PTPRN2: variants seen among roughly 807,000 people sequenced by gnomAD.
The protein encoded by PTPRN2 is protein tyrosine phosphatase receptor type N2.
A neutral mutation model predicts 118.8 loss-of-function variants in PTPRN2; 74 were observed. That is an observed-to-expected ratio of 0.62 (90% CI 0.52 to 0.76). The LOEUF is 0.76. Ranked by LOEUF, PTPRN2 falls within the 30% of genes least tolerant of loss-of-function variation. The pLI is 0.00. For missense variants in PTPRN2, 1,481 were observed against 1,394.4 expected, an observed-to-expected ratio of 1.06 and a Z score of -0.99; for synonymous variants, 641 against 608.0, an observed-to-expected ratio of 1.05 and a Z score of -0.80.
intron 22 of PTPRN2, among the ~76,000 whole-genome samples, chr7:157,547,008 C>A (rs1798354167): frequency 6.6e-6 from 1 of 152,196 alleles, no homozygotes; most frequent in Admixed American, 6.5e-5. Flanking sequence ...GTGTTCTGGG[C>A]AAACTCACCT....
chr7:158,142,563 C>T (rs929853656), intron 6 of PTPRN2, among the ~76,000 whole-genome samples: 4 of 152,164 alleles, frequency 2.6e-5, no homozygotes, highest in Non-Finnish European at 4.4e-5. Flanking sequence ...AGGCCGCGTA[C>T]TCTTCTGTTT....
In PTPRN2 at chr7:157,587,074, A is replaced by G. The variant is rs950929680; in HGVS notation, c.2496+8164T>C. Among the ~76,000 whole-genome samples the G allele has an allele frequency of 2.0e-5, 3 of 152,164 alleles. No homozygotes were observed. Among genetic ancestry groups the G allele is most frequent in the African/African-American group, 7.2e-5 (3 of 41,432 alleles). On this transcript the variant is annotated intron_variant, in intron 17 of 22. Transcript: ENST00000389418. The surrounding 1 kb of genome is among the most constrained non-coding windows in gnomAD (Gnocchi z 5.3). ...GCATGGTGTGGAATCCAGGCCTGCC[A>G]TCTTCCCACCCACCCCTGCCTGGAC...
At chr7:158,113,979 G>A (rs1816514607) in intron 9 of PTPRN2, among the ~76,000 whole-genome samples, 2 of 152,226 alleles carry the variant, frequency 1.3e-5, no homozygotes, top group Admixed American at 6.5e-5. Flanking sequence ...GTACCCCTCA[G>A]AGCCACCTGG....
rs921437247 is a variant in PTPRN2 at position 157,779,656 on chromosome 7, ACT to A, written c.1789-96721_1789-96720del. Among the ~76,000 whole-genome samples, 1 of 151,864 alleles carries A rather than the reference ACT, an allele frequency of 6.6e-6. No individual in the cohort carries two copies. Among genetic ancestry groups the A allele is most frequent in the African/African-American group, 2.4e-5 (1 of 41,310 alleles). The stretch of plus-strand genomic sequence containing the variant: ...TCCGAAGCACAAAGGCTGACCCTAG[ACT>A]CTGGCCAGGACGAGCTGGGGTGAGG... On this transcript the variant is annotated intron_variant, in intron 12 of 22. Coordinates refer to ENST00000389418, the MANE Select transcript of PTPRN2 (RefSeq NM_002847.5). The surrounding 1 kb of genome is among the most constrained non-coding windows in gnomAD (Gnocchi z 4.7).
At position 157,583,216 on chromosome 7, in the gene PTPRN2, G is replaced by A. The variant is rs944001877; in HGVS notation, c.2497-5076C>T. The stretch of plus-strand genomic sequence containing the variant: ...ACACGACGTTAAATTGAAATAAGCC[G>A]GACACAGAAGGACAGGCACCCCATG... On this transcript the variant is annotated intron_variant, in intron 17 of 22. Transcript: ENST00000389418. The surrounding 1 kb of genome is among the most constrained non-coding windows in gnomAD (Gnocchi z 5.5). Among the ~76,000 whole-genome samples the A allele has an allele frequency of 2.0e-5, 3 of 152,142 alleles. No homozygotes were observed. The highest frequency in any genetic ancestry group is 2.1e-4 in the South Asian group (1 of 4,812).
At chr7:157,613,681 C>T (rs1041588164) in intron 15 of PTPRN2, among the ~76,000 whole-genome samples, 42 of 152,366 alleles carry the variant, frequency 2.8e-4, no homozygotes, top group Middle Eastern at 3.4e-3. Context: ...GGGACCCTCT[C>T]CCGACACCGG....
intron 6 of PTPRN2, among the ~76,000 whole-genome samples, chr7:158,147,604 C>A (rs1585621240): frequency 1.6e-5 from 2 of 124,150 alleles, no homozygotes; most frequent in East Asian, 2.4e-4. Context: ...CCCTCAATGA[C>A]ACCCCATCTC....
In PTPRN2 at chr7:158,022,857, T is replaced by C. The variant is rs1806997857; in HGVS notation, c.1723+58441A>G. Among the ~76,000 whole-genome samples, 1 of 152,232 alleles carries C rather than the reference T, an allele frequency of 6.6e-6. No individual in the cohort carries two copies. Among genetic ancestry groups the C allele is most frequent in the African/African-American group, 2.4e-5 (1 of 41,470 alleles). ...AGGAAGAAAAAGAAGACAATATCCC[T>C]GGACCTTAGAAACCTCAATGATCAA... On this transcript the variant is annotated intron_variant, in intron 11 of 22. Transcript: ENST00000389418. The surrounding 1 kb of genome is among the most constrained non-coding windows in gnomAD (Gnocchi z 4.6).
chr7:157,606,324 G>A (rs1005144590), intron 15 of PTPRN2, among the ~76,000 whole-genome samples: 4 of 152,224 alleles, frequency 2.6e-5, no homozygotes, highest in South Asian at 2.1e-4. Context: ...TACGGTTTGG[G>A]CAGCTGTAGC....
intron 12 of PTPRN2, among the ~76,000 whole-genome samples, chr7:157,695,149 T>C (rs906527634): frequency 3.9e-5 from 6 of 152,082 alleles, no homozygotes; most frequent in Admixed American, 1.3e-4. Flanking sequence ...CAAATTGTTA[T>C]AGATTACACA....
At position 157,944,080 on chromosome 7, in the gene PTPRN2, A is replaced by T. The variant is rs1191315207; in HGVS notation, c.1724-45343T>A. Among the ~76,000 whole-genome samples the T allele has an allele frequency of 6.6e-6, 1 of 152,206 alleles. No individual in the cohort carries two copies. Among genetic ancestry groups the T allele is most frequent in the African/African-American group, 2.4e-5 (1 of 41,448 alleles). ...GCTTCATTTGACATTTCCAGTAAGT[A>T]TCAAAAGCTGCTATCACTTCAATTA... On this transcript the variant is annotated intron_variant, in intron 11 of 22. Coordinates refer to ENST00000389418, the MANE Select transcript of PTPRN2 (RefSeq NM_002847.5). The surrounding 1 kb of genome is among the most constrained non-coding windows in gnomAD (Gnocchi z 4.3).
intron 2 of PTPRN2, among the ~76,000 whole-genome samples, chr7:158,472,351 C>A (rs2129444338): frequency 6.6e-6 from 1 of 152,334 alleles, no homozygotes; most frequent in South Asian, 2.1e-4. Flanking sequence ...CCACATTTAA[C>A]ACTAAGGGAC....
chr7:158,536,181 C>A (rs1825631226), intron 1 of PTPRN2, among the ~76,000 whole-genome samples: 2 of 152,084 alleles, frequency 1.3e-5, no homozygotes, highest in Admixed American at 6.6e-5. Context: ...TAAAGAAGGT[C>A]TGAAATGCCC....
At position 158,110,810 on chromosome 7, in the gene PTPRN2, C is replaced by G. The variant is rs560057275; in HGVS notation, c.1643+19G>C. 1.3e-6 allele frequency: 2 copies of G among 1,565,962 alleles called. No homozygotes were observed. The highest frequency in any genetic ancestry group is 2.7e-5 in the African/African-American group (2 of 73,896). ...CAAGCAACAGGAGCCAAACAGAAACCCCAGGGCCCCGTACTTACTCCACGT... is the reference window on the plus strand; with the variant it reads ...CAAGCAACAGGAGCCAAACAGAAACGCCAGGGCCCCGTACTTACTCCACGT... On this transcript the variant is annotated intron_variant, in intron 10 of 22. Coordinates refer to ENST00000389418, the MANE Select transcript of PTPRN2 (RefSeq NM_002847.5).
chr7:158,430,345 C>T (rs1816069213), intron 2 of PTPRN2, among the ~76,000 whole-genome samples: 1 of 152,248 alleles, frequency 6.6e-6, no homozygotes, highest in Non-Finnish European at 1.5e-5. Flanking sequence ...CTGGCGCTCA[C>T]AGGCTGAGGG....
At chr7:158,279,106 C>T (rs1035146690) in intron 3 of PTPRN2, among the ~76,000 whole-genome samples, 4 of 152,338 alleles carry the variant, frequency 2.6e-5, no homozygotes, top group Non-Finnish European at 4.4e-5. Context: ...GGGACCCAAC[C>T]GGTTTGCTGC....
intron 11 of PTPRN2, among the ~76,000 whole-genome samples, chr7:158,012,644 G>C (rs561401665): frequency 6.6e-6 from 1 of 152,134 alleles, no homozygotes; most frequent in Non-Finnish European, 1.5e-5. Flanking sequence ...CAGGCAGGTC[G>C]GGGCTAATAT....
chr7:158,068,376 C>A (rs147980532), intron 11 of PTPRN2, among the ~76,000 whole-genome samples: 2 of 152,318 alleles, frequency 1.3e-5, no homozygotes, highest in Non-Finnish European at 2.9e-5. Context: ...ACGCCAGGAC[C>A]ATTAGGGACC....
At position 157,881,154 on chromosome 7, in the gene PTPRN2, A is replaced by G. The variant is rs189811254; in HGVS notation, c.1788+17519T>C. On this transcript the variant is annotated intron_variant, in intron 12 of 22. Transcript: ENST00000389418. This position sits in a 1 kb window ranked among gnomAD's most constrained non-coding sequence, Gnocchi z 4.7. ...AAGTCATGAGGGTATGTGGAGATGG[A>G]GGTGTTTACAGGAATCATTACGGTA... Among the ~76,000 whole-genome samples, 34 of 143,982 alleles carry G rather than the reference A, an allele frequency of 2.4e-4. No individual in the cohort carries two copies. The highest frequency in any genetic ancestry group is 3.6e-3 in the Middle Eastern group (1 of 280). The allele number at this position is 143,982 out of a possible 152,430, so 94.5% of individuals were successfully genotyped here. A position where few individuals can be genotyped will look rare whatever the true frequency, so the allele number is the denominator to read the frequency against.
Sources: gnomAD v4.1 joint callset for allele counts (sites outside exome capture counted in the v4.1 genomes callset) on GRCh38, gnomAD v4.1.1 for gene constraint, Gnocchi (gnomAD v3.1) non-coding constraint, MANE v1.5 for transcripts, NCBI Gene and HGNC (gene_info 2026-07-23, HGNC 2026-07-21) for gene names.